The following ZNF670 variants were observed in gnomAD, a reference collection of about 807,000 sequenced individuals.
ZNF670 encodes zinc finger protein 670.
ZNF670 carries 7 observed loss-of-function variants against 10.9 expected under a neutral mutation model. The ratio of observed to expected loss-of-function variants is 0.64; its 90% confidence interval spans 0.36 to 1.20. The LOEUF (loss-of-function observed/expected upper bound fraction) is 1.20, where lower values mean the gene tolerates loss of function less well. ZNF670 is among the 50% of genes most tolerant of loss of function. The pLI, the probability that ZNF670 is intolerant of heterozygous loss-of-function variation, is 0.02. For synonymous variants in ZNF670, 136 were observed against 152.7 expected (o/e 0.89, Z 0.81); for missense variants, 446 against 458.6 (o/e 0.97, Z 0.25).
At chr1:247,058,467 G>C (rs1670771992) in intron 1 of ZNF670, among the ~76,000 whole-genome samples, 1 of 151,940 alleles carries the variant, frequency 6.6e-6, no homozygotes, top group Non-Finnish European at 1.5e-5. Flanking sequence ...TAAGAAACTA[G>C]AAAAAAGCCA....
chr1:247,039,371 C>A (rs202030910), intron 2 of ZNF670, 40 bp downstream of exon 2: 2 of 1,591,290 alleles, frequency 1.3e-6, no homozygotes, highest in African/African-American at 1.4e-5. Context: ...AAAACACTTG[C>A]GTTGTAATCA....
At chr1:247,076,944 G>T (rs1451056336) in intron 1 of ZNF670, among the ~76,000 whole-genome samples, 1 of 152,148 alleles carries the variant, frequency 6.6e-6, no homozygotes, top group East Asian at 1.9e-4. Flanking sequence ...TACAGGCGTG[G>T]GCCACCACGC....
intron 1 of ZNF670, among the ~76,000 whole-genome samples, chr1:247,065,351 C>T (rs562950675): frequency 6.6e-6 from 1 of 152,126 alleles, no homozygotes; most frequent in Non-Finnish European, 1.5e-5. Context: ...GAAATGCAGC[C>T]CCAGAAGTGA....
intron 1 of ZNF670, among the ~76,000 whole-genome samples, chr1:247,042,308 G>A (rs1476111170): frequency 6.6e-6 from 1 of 152,216 alleles, no homozygotes; most frequent in Non-Finnish European, 1.5e-5. Flanking sequence ...GCAAGTCATT[G>A]CGAGAGAAGA....
intron 1 of ZNF670, among the ~76,000 whole-genome samples, chr1:247,046,359 G>T (rs1187955029): frequency 3.9e-5 from 6 of 152,174 alleles, no homozygotes; most frequent in African/African-American, 1.4e-4. Context: ...GGGGTACCAG[G>T]TCGAAAGCAT....
rs1460452443 is a variant in ZNF670 at position 247,038,279 on chromosome 1, A to G, written c.340T>C (p.Cys114Arg). The change falls in exon 4 of 4, where the codon TGT becomes CGT. Residue 114 changes from cysteine (C) to arginine (R), a missense_variant. Cys to Arg is a radical substitution (Grantham distance 180). Coordinates refer to ENST00000366503, the MANE Select transcript of ZNF670 (RefSeq NM_033213.5). ...ECSVCGKVFI[C>R]HSALHRHILS... ...ATGTGCCTATGAAGGGCTGAATGAC[A>G]TATGAAGACTTTTCCACACACACTG... The G allele has an allele frequency of 3.7e-6, 6 of 1,614,206 alleles. No homozygotes were observed. Among genetic ancestry groups the G allele is most frequent in the Middle Eastern group, 1.7e-4 (1 of 6,060 alleles).
At chr1:247,042,298 G>A (rs1239803504) in intron 1 of ZNF670, among the ~76,000 whole-genome samples, 1 of 152,192 alleles carries the variant, frequency 6.6e-6, no homozygotes, top group African/African-American at 2.4e-5. Flanking sequence ...GAACCGATTA[G>A]CAAGTCATTG....
intron 1 of ZNF670, among the ~76,000 whole-genome samples, chr1:247,051,211 G>A (rs559512599): frequency 6.6e-6 from 1 of 151,688 alleles, no homozygotes; most frequent in South Asian, 2.1e-4. Flanking sequence ...GGGAGGCTAA[G>A]GCAGGAGACT....
intron 1 of ZNF670, among the ~76,000 whole-genome samples, chr1:247,057,593 C>T (rs1400396245): frequency 6.6e-6 from 1 of 152,108 alleles, no homozygotes; most frequent in Non-Finnish European, 1.5e-5. Context: ...AAGTGTCCAT[C>T]AACAGAAGAA....
At chr1:247,060,758 A>T (rs936368935) in intron 1 of ZNF670, among the ~76,000 whole-genome samples, 1 of 152,250 alleles carries the variant, frequency 6.6e-6, no homozygotes, top group Non-Finnish European at 1.5e-5. Flanking sequence ...AAATTTTCAT[A>T]AAAACATGTA....
At chr1:247,072,868 A>ACACC in intron 1 of ZNF670, among the ~76,000 whole-genome samples, 1 of 145,496 alleles carries the variant, frequency 6.9e-6, no homozygotes, top group Non-Finnish European at 1.5e-5. Flanking sequence ...ACACACACAC[A>ACACC]AACATCTTTT....
At position 247,052,878 on chromosome 1, in the gene ZNF670, G is replaced by A. The variant is rs562737289; in HGVS notation, c.4-13341C>T. On this transcript the variant is annotated intron_variant, in intron 1 of 3. Transcript: ENST00000366503. ...TCAAAAAAGTATGTCTTTTGTCTTT[G>A]GCTACCAAGGTGGGTAGAGAAGAAC... is the stretch of plus-strand genomic sequence containing the variant. Among the ~76,000 whole-genome samples the A allele has an allele frequency of 3.3e-5, 5 of 152,266 alleles. No homozygotes were observed. In the South Asian group the frequency reaches 6.2e-4, roughly 19 times the overall value.
chr1:247,061,904 A>T (rs932626776), intron 1 of ZNF670, among the ~76,000 whole-genome samples: 4 of 152,210 alleles, frequency 2.6e-5, no homozygotes, highest in African/African-American at 9.6e-5. Flanking sequence ...AAACAAAATG[A>T]TAAGGGTGAT....
intron 1 of ZNF670, among the ~76,000 whole-genome samples, chr1:247,050,585 C>T (rs529400073): frequency 2.9e-4 from 44 of 152,044 alleles, no homozygotes; most frequent in African/African-American, 1.0e-3. Flanking sequence ...AAGCGATCCT[C>T]CTGCCTCAGC....
At chr1:247,048,120 C>G (rs1439109584) in intron 1 of ZNF670, among the ~76,000 whole-genome samples, 1 of 152,182 alleles carries the variant, frequency 6.6e-6, no homozygotes, top group Admixed American at 6.5e-5. Flanking sequence ...TGCTCTGCTT[C>G]TCTTTTAAAC....
At chr1:247,052,420 CAA>C (rs1670618239) in intron 1 of ZNF670, among the ~76,000 whole-genome samples, 1 of 152,108 alleles carries the variant, frequency 6.6e-6, no homozygotes, top group Admixed American at 6.5e-5. Flanking sequence ...GGAGTGTCTG[CAA>C]AGAGTCCTGT....
At position 247,035,317 on chromosome 1, in the gene ZNF670, C is replaced by T. The variant is rs907283763; in HGVS notation, c.*2132G>A. ...GTTATTAGTTACATACATTCATAGA[C>T]AAAAAAGGGAGGGTTCTGTAAACGA... On this transcript the variant is annotated 3_prime_UTR_variant, in exon 4 of 4. Transcript: ENST00000366503. Among the ~76,000 whole-genome samples the T allele has an allele frequency of 2.0e-5, 3 of 151,986 alleles. No homozygotes were observed. Among genetic ancestry groups the T allele is most frequent in the Admixed American group, 6.5e-5 (1 of 15,270 alleles).
intron 1 of ZNF670, among the ~76,000 whole-genome samples, chr1:247,056,332 T>C (rs1437047154): frequency 6.6e-6 from 1 of 152,104 alleles, no homozygotes; most frequent in Non-Finnish European, 1.5e-5. Context: ...GTATCAAGCA[T>C]CTTCCCTGAC....
chr1:247,046,426 AGCTTTG>A (rs1670449703), intron 1 of ZNF670, among the ~76,000 whole-genome samples: 2 of 152,234 alleles, frequency 1.3e-5, no homozygotes, highest in South Asian at 4.1e-4. Flanking sequence ...CTCTGGTTCC[AGCTTTG>A]GCTAAAAAGG....
Sources: allele counts gnomAD v4.1 joint callset (sites outside exome capture counted in the v4.1 genomes callset), GRCh38; gene constraint gnomAD v4.1.1; transcripts MANE v1.5; gene names NCBI Gene and HGNC (gene_info 2026-07-23, HGNC 2026-07-21).